The following CSMD1 variants were observed in gnomAD, a reference collection of about 807,000 sequenced individuals.
CSMD1 encodes CUB and sushi domain-containing protein 1.
A neutral mutation model predicts 417.5 loss-of-function variants in CSMD1; 213 were observed. That is an observed-to-expected ratio of 0.51 (90% CI 0.46 to 0.57). The LOEUF (loss-of-function observed/expected upper bound fraction) is 0.57, where lower values mean the gene tolerates loss of function less well. CSMD1 is among the 20% of genes least tolerant of loss of function. The pLI is 0.00. For missense variants in CSMD1, 6,923 were observed against 4,529.7 expected (o/e 1.53, Z -15.17); for synonymous variants, 2,862 against 1,736.8 (o/e 1.65, Z -16.11).
Position 3,182,606 on chromosome 8 carries a change from G to A in CSMD1, c.5621-1392C>T, listed in dbSNP as rs898317304. On this transcript the variant is annotated intron_variant, in intron 36 of 69. Transcript: ENST00000635120. ...TGTGTGTGTGTGTGTGTGTGTGTGT[G>A]TGTGTGTGTGTGTGTGTGTGTGTGT... Among the ~76,000 whole-genome samples the A allele has an allele frequency of 6.3e-4, 51 of 80,560 alleles. 1 individual carries two copies. Among genetic ancestry groups the A allele is most frequent in the African/African-American group, 1.7e-3 (50 of 29,038 alleles). The allele number at this position is 80,560 out of a possible 152,430, so 52.9% of individuals were successfully genotyped here.
At chr8:3,252,002 A>G (rs542834085) in intron 26 of CSMD1, among the ~76,000 whole-genome samples, 2 of 152,324 alleles carry the variant, frequency 1.3e-5, no homozygotes, top group South Asian at 4.1e-4. Flanking sequence ...GAATCATGTC[A>G]TCTGCAAACA....
At chr8:3,636,170 T>G (rs937934578) in intron 7 of CSMD1, among the ~76,000 whole-genome samples, 1 of 152,190 alleles carries the variant, frequency 6.6e-6, no homozygotes, top group Admixed American at 6.5e-5. Context: ...ATAATCAACA[T>G]GACTTCTTCC....
intron 46 of CSMD1, among the ~76,000 whole-genome samples, chr8:3,103,777 C>G (rs1189194373): frequency 2.6e-5 from 4 of 151,588 alleles, no homozygotes; most frequent in Admixed American, 6.6e-5. Context: ...TAGTTTTGCT[C>G]TTGTTGCCCA....
At chr8:4,361,454 C>A (rs1252740343) in intron 3 of CSMD1, among the ~76,000 whole-genome samples, 2 of 150,360 alleles carry the variant, frequency 1.3e-5, no homozygotes, top group Non-Finnish European at 2.9e-5. Flanking sequence ...ATCTTCATTA[C>A]AGCCTAATAA....
At chr8:4,920,459 A>G (rs1024696619) in intron 1 of CSMD1, among the ~76,000 whole-genome samples, 1 of 152,218 alleles carries the variant, frequency 6.6e-6, no homozygotes, top group South Asian at 2.1e-4. Context: ...AAACAAAAGT[A>G]TATGTCTGCA....
intron 1 of CSMD1, among the ~76,000 whole-genome samples, chr8:4,646,680 T>C (rs1421465313): frequency 1.3e-5 from 2 of 152,180 alleles, no homozygotes; most frequent in South Asian, 2.1e-4. Flanking sequence ...AAAATTGTAA[T>C]ACCATGCTCT....
intron 44 of CSMD1, 102 bp downstream of exon 44, chr8:3,108,501 C>T: frequency 7.9e-7 from 1 of 1,258,090 alleles, no homozygotes; most frequent in Non-Finnish European, 1.1e-6. Context: ...ACGCCCTCGG[C>T]TGAATCAAGA....
At position 4,386,598 on chromosome 8, in the gene CSMD1, T is replaced by A. The variant is rs374463914; in HGVS notation, c.415+33355A>T. Among the ~76,000 whole-genome samples the A allele has an allele frequency of 3.0e-3, 460 of 152,322 alleles. 1 individual carries two copies. Among genetic ancestry groups the A allele is most frequent in the African/African-American group, 0.011 (451 of 41,576 alleles). ...GAGAAAGGCCTGTTACGGCAGGGCA[T>A]GCAGTTTATATTTAATCAGAGAGAC... On this transcript the variant is annotated intron_variant, in intron 3 of 69. Coordinates refer to ENST00000635120, the MANE Select transcript of CSMD1 (RefSeq NM_033225.6).
At chr8:3,281,445 A>G (rs905148182) in intron 26 of CSMD1, among the ~76,000 whole-genome samples, 2 of 152,192 alleles carry the variant, frequency 1.3e-5, no homozygotes, top group African/African-American at 2.4e-5. Context: ...CTCCATCTCA[A>G]GGAAAAAAAC....
chr8:3,642,791 A>G (rs1202516517), intron 7 of CSMD1, among the ~76,000 whole-genome samples: 2 of 152,250 alleles, frequency 1.3e-5, no homozygotes, highest in African/African-American at 4.8e-5. Flanking sequence ...CAGAGTATGT[A>G]TATGAATCCA....
chr8:4,658,742 C>G (rs1417331312), intron 1 of CSMD1, among the ~76,000 whole-genome samples: 1 of 152,124 alleles, frequency 6.6e-6, no homozygotes, highest in East Asian at 1.9e-4. Context: ...CGGTTTCTAA[C>G]TCATTTTTCT....
intron 5 of CSMD1, among the ~76,000 whole-genome samples, chr8:3,944,474 G>A (rs183887487): frequency 6.6e-6 from 1 of 151,956 alleles, no homozygotes; most frequent in East Asian, 1.9e-4. Flanking sequence ...TTCCCTGAAA[G>A]TTTTGATGTT....
chr8:3,659,128 T>A (rs142520092), intron 7 of CSMD1, among the ~76,000 whole-genome samples: 1 of 152,150 alleles, frequency 6.6e-6, no homozygotes, highest in African/African-American at 2.4e-5. Flanking sequence ...AGCACATAAA[T>A]CCTTAAAATA....
In CSMD1 at chr8:4,555,612, T is replaced by C. The variant is rs73661529; in HGVS notation, c.302+81730A>G. ...TTTGGGTTTCAGCAGCTTATATCTC[T>C]ATGGAGTGTTTTAATTCTTCATGAT... On this transcript the variant is annotated intron_variant, in intron 2 of 69. Coordinates refer to ENST00000635120, the MANE Select transcript of CSMD1 (RefSeq NM_033225.6). Among the ~76,000 whole-genome samples, 858 of 152,270 alleles carry C rather than the reference T, an allele frequency of 5.6e-3. 7 individuals carry two copies. Among genetic ancestry groups the C allele is most frequent in the African/African-American group, 0.02 (817 of 41,550 alleles).
At chr8:3,420,980 T>C (rs913607845) in intron 12 of CSMD1, among the ~76,000 whole-genome samples, 10 of 152,172 alleles carry the variant, frequency 6.6e-5, no homozygotes, top group African/African-American at 2.4e-4. Context: ...CTATTTATAG[T>C]TTTCCTCTGT....
intron 1 of CSMD1, among the ~76,000 whole-genome samples, chr8:4,782,646 T>C (rs1797211516): frequency 1.3e-5 from 2 of 152,172 alleles, no homozygotes; most frequent in Admixed American, 1.3e-4. Context: ...TACTGTATAT[T>C]TTTGTACAAT....
At chr8:4,214,025 C>A (rs1800481546) in intron 3 of CSMD1, among the ~76,000 whole-genome samples, 1 of 152,176 alleles carries the variant, frequency 6.6e-6, no homozygotes, top group Non-Finnish European at 1.5e-5. Flanking sequence ...ATGTAAGTAA[C>A]AATGGACAAA....
intron 3 of CSMD1, among the ~76,000 whole-genome samples, chr8:4,123,650 C>A (rs1802606582): frequency 6.6e-6 from 1 of 152,130 alleles, no homozygotes; most frequent in Non-Finnish European, 1.5e-5. Context: ...GAAATGGGAA[C>A]TGGTAACACT....
intron 3 of CSMD1, among the ~76,000 whole-genome samples, chr8:4,158,601 T>C (rs945275958): frequency 6.6e-6 from 1 of 152,178 alleles, no homozygotes; most frequent in Non-Finnish European, 1.5e-5. Context: ...CCTTCTTATT[T>C]TTCTGGCCCA....
Sources: gnomAD v4.1 joint callset for allele counts (sites outside exome capture counted in the v4.1 genomes callset) on GRCh38, gnomAD v4.1.1 for gene constraint, MANE v1.5 for transcripts, NCBI Gene and HGNC (gene_info 2026-07-23, HGNC 2026-07-21) for gene names.